The following AHNAK2 variants were observed in gnomAD, a reference collection of about 807,000 sequenced individuals.
AHNAK2 encodes the protein AHNAK nucleoprotein 2.
A neutral mutation model predicts 30.7 loss-of-function variants in AHNAK2; 18 were observed. The ratio of observed to expected loss-of-function variants is 0.59; its 90% CI spans 0.41 to 0.87. The LOEUF is 0.87. Among genes scored for constraint, AHNAK2 ranks in the 40% least tolerant of loss-of-function variants. AHNAK2 has a pLI of 0.00. For missense variants in AHNAK2, 8,604 were observed against 7,373.0 expected (o/e 1.17, Z -6.11); for synonymous variants, 3,590 against 3,073.8 (o/e 1.17, Z -5.56).
At position 104,943,034 on chromosome 14, in the gene AHNAK2, CTTGAACTTGGGCATT is replaced by C. The variant is rs1898067715; in HGVS notation, c.12402_12416del (p.Lys4137_Pro4141del). On this transcript the variant is annotated inframe_deletion, in exon 7 of 7. Coordinates refer to ENST00000333244, the MANE Select transcript of AHNAK2 (RefSeq NM_138420.4). Reference sequence around the variant, plus strand: ...GGGCCGACACCCCGAATGATGGCATCTTGAACTTGGGCATTTTGAACTTGCTGTCTTTGGCAGTCA... The same window carrying C: ...GGGCCGACACCCCGAATGATGGCATCTTGAACTTGCTGTCTTTGGCAGTCA... The C allele has an allele frequency of 6.2e-7, 1 of 1,613,102 alleles. No individual in the cohort carries two copies. Among genetic ancestry groups the C allele is most frequent in the African/African-American group, 1.3e-5 (1 of 74,728 alleles).
At position 104,957,309 on chromosome 14, in the gene AHNAK2, G is replaced by T. The variant is rs532368495; in HGVS notation, c.213+101C>A. ...GAGTGGGCACTGCCCAGTGGGCAGCGGGGCAGGGCAGCAAGGTTGAACAGA... is the reference window on the plus strand; with the variant it reads ...GAGTGGGCACTGCCCAGTGGGCAGCTGGGCAGGGCAGCAAGGTTGAACAGA... On this transcript the variant is annotated intron_variant, in intron 3 of 6. Coordinates refer to ENST00000333244, the MANE Select transcript of AHNAK2 (RefSeq NM_138420.4). 3.6e-6 allele frequency: 4 copies of T among 1,123,100 alleles called. No individual in the cohort carries two copies. In the South Asian group the frequency reaches 4.5e-5, roughly 13 times the overall value. 69.6% of individuals were successfully genotyped at this position (1,123,100 alleles called of 1,614,324 possible).
In AHNAK2 at chr14:104,953,015, A is replaced by C; in HGVS notation, c.2436T>G (p.Gly812=). The C allele has an allele frequency of 6.2e-7, 1 of 1,612,526 alleles. No homozygotes were observed. The highest frequency in any genetic ancestry group is 8.5e-7 in the Non-Finnish European group (1 of 1,179,578). ...DVQAPRAKLD[G]ARLEGDLSLA... ...GGGACAGGTCCCCCTCCAGCCGCGC[A>C]CCATCCAGCTTTGCTCTCGGGGCCT... Residue 812 remains glycine, a synonymous_variant, in exon 7 of 7, where the codon GGT becomes GGG. Coordinates refer to ENST00000333244, the MANE Select transcript of AHNAK2 (RefSeq NM_138420.4).
Position 104,956,709 on chromosome 14 carries a change from GA to G in AHNAK2, c.214-21del. 1.9e-6 allele frequency: 3 copies of G among 1,612,340 alleles called. No homozygotes were observed. In the South Asian group the frequency reaches 3.3e-5, roughly 18 times the overall value. ...GTCTTCCTGCAGCCACAAGTGTTGG[GA>G]GTTAGGCACCTGCCCCAGCTCAGGG... On this transcript the variant is annotated intron_variant, in intron 3 of 6. Coordinates refer to ENST00000333244, the MANE Select transcript of AHNAK2 (RefSeq NM_138420.4).
In AHNAK2 at chr14:104,949,487, G is replaced by T. The variant is rs374712723; in HGVS notation, c.5964C>A (p.Phe1988Leu). Residue 1988 changes from phenylalanine (F) to leucine (L), a missense_variant, in exon 7 of 7, where the codon TTC becomes TTA. Coordinates refer to ENST00000333244, the MANE Select transcript of AHNAK2 (RefSeq NM_138420.4). The part of the protein sequence containing the change: ...DKDMTAKDSK[F>L]KMPKFKMPSF... The stretch of plus-strand genomic sequence containing the variant: ...ACGGCATCTTGAATTTGGGCATTTT[G>T]AACTTGCTGTCTTTGGCAGTCATGT... 1 of 1,588,336 alleles carries T rather than the reference G, an allele frequency of 6.3e-7. No homozygotes were observed. The highest frequency in any genetic ancestry group is 1.4e-5 in the African/African-American group (1 of 73,344).
chr14:104,975,208 C>G (rs574914471), intron 1 of AHNAK2, among the ~76,000 whole-genome samples: 47 of 152,308 alleles, frequency 3.1e-4, no homozygotes, highest in Admixed American at 5.2e-4. Flanking sequence ...CGGGAGGGAG[C>G]GGGCTCCTGG....
At position 104,945,001 on chromosome 14, in the gene AHNAK2, C is replaced by T. The variant is rs200799955; in HGVS notation, c.10450G>A (p.Gly3484Arg). ...ATGGACCTGCCTGGGGCCGACACCC[C>T]GAAGGAGGGCATCTTGAACTTGGGC... ...KMPKFKMPSFGVSAPGRSIEA... is the reference protein window; with the variant it reads ...KMPKFKMPSFRVSAPGRSIEA... Residue 3484 changes from glycine (G) to arginine (R), a missense_variant, in exon 7 of 7, where the codon GGG becomes AGG. By Grantham distance (125) the Gly-to-Arg change is moderately radical. Coordinates refer to ENST00000333244, the MANE Select transcript of AHNAK2 (RefSeq NM_138420.4). 375 of 1,610,882 alleles carry T rather than the reference C, an allele frequency of 2.3e-4. No individual in the cohort carries two copies. In the African/African-American group the frequency reaches 3.6e-3, roughly 15 times the overall value.
chr14:104,957,010 T>A (rs1898996221), intron 3 of AHNAK2, among the ~76,000 whole-genome samples: 1 of 152,174 alleles, frequency 6.6e-6, no homozygotes, highest in African/African-American at 2.4e-5. Flanking sequence ...CAAAAATGAA[T>A]CCTTTCATAG....
In AHNAK2 at chr14:104,950,423, G is replaced by A. The variant is rs377432586; in HGVS notation, c.5028C>T (p.Ser1676=). Residue 1676 remains serine (S), a synonymous_variant, in exon 7 of 7, where the codon TCC becomes TCT. Transcript: ENST00000333244. The part of the protein sequence containing the change: ...PSFGVSAPGK[S]IEASVDVSEP... Reference sequence around the variant, plus strand: ...CAGACACATCCACCGAGGCCTCGATGGACTTGCCTGGGGCCGACACCCCAA... The same window carrying A: ...CAGACACATCCACCGAGGCCTCGATAGACTTGCCTGGGGCCGACACCCCAA... The A allele has an allele frequency of 2.9e-5, 46 of 1,586,806 alleles. 3 individuals are homozygous for A. In the African/African-American group the frequency reaches 3.4e-4, roughly 12 times the overall value.
Position 104,952,454 on chromosome 14 carries a change from T to C in AHNAK2, c.2997A>G (p.Lys999=), listed in dbSNP as rs1256759855. The part of the protein sequence containing the change: ...KDVTAKDSKF[K]MPKFKMPSFG... Reference sequence around the variant, plus strand: ...ACGACGGCATCTTGAACTTGGGCATTTTGAACTTGCTGTCTTTGGCAGTCA... The same window carrying C: ...ACGACGGCATCTTGAACTTGGGCATCTTGAACTTGCTGTCTTTGGCAGTCA... Residue 999 remains lysine, a synonymous_variant, in exon 7 of 7, where the codon AAA becomes AAG. Transcript: ENST00000333244. The C allele has an allele frequency of 6.8e-6, 11 of 1,612,282 alleles. No individual in the cohort carries two copies. In the Admixed American group the frequency reaches 1.3e-4, roughly 20 times the overall value.
At position 104,943,202 on chromosome 14, in the gene AHNAK2, G is replaced by A. The variant is rs1898075517; in HGVS notation, c.12249C>T (p.Pro4083=). The A allele has an allele frequency of 6.2e-7, 1 of 1,612,902 alleles. No individual in the cohort carries two copies. Among genetic ancestry groups the A allele is most frequent in the South Asian group, 1.1e-5 (1 of 91,052 alleles). The part of the protein sequence containing the change: ...VKGPKLDLKG[P]KAEVTAPDVK... ...CATCAGGGGCTGTCACTTCCGCCTTGGGGCCTTTCAGGTCCAGCTTGGGGC... is the reference window on the plus strand; with the variant it reads ...CATCAGGGGCTGTCACTTCCGCCTTAGGGCCTTTCAGGTCCAGCTTGGGGC... The change falls in exon 7 of 7, where the codon CCC becomes CCT. Residue 4083 remains proline (P), a synonymous_variant. Coordinates refer to ENST00000333244, the MANE Select transcript of AHNAK2 (RefSeq NM_138420.4).
In AHNAK2 at chr14:104,944,975, G is replaced by T; in HGVS notation, c.10476C>A (p.Ile3492=). The T allele has an allele frequency of 1.2e-6, 2 of 1,612,490 alleles. No homozygotes were observed. Among genetic ancestry groups the T allele is most frequent in the Non-Finnish European group, 1.7e-6 (2 of 1,179,370 alleles). ...GCGCAGACACATCCAGCGAGGCCTC[G>T]ATGGACCTGCCTGGGGCCGACACCC... ...SFGVSAPGRS[I]EASLDVSAPK... is the part of the protein sequence containing the mutation. The change falls in exon 7 of 7, where the codon ATC becomes ATA. Residue 3492 remains isoleucine, a synonymous_variant. Transcript: ENST00000333244.
rs1326160288 is a variant in AHNAK2, at chr14:104,954,793, C to G, written c.658G>C (p.Asp220His). The G allele has an allele frequency of 2.6e-6, 4 of 1,562,318 alleles. No homozygotes were observed. Reference protein sequence around the residue: ...GPQGKEKEDTDVADGCRETPT... With the variant: ...GPQGKEKEDTHVADGCRETPT... ...GTCTCTCTGCACCCATCAGCAACAT[C>G]CGTGTCCTGAAACATAGGGAGAGGG... Residue 220 changes from aspartate to histidine, a missense_variant, in exon 7 of 7, where the codon GAT becomes CAT. Physicochemically the swap from Asp to His is moderately conservative, Grantham distance 81 (BLOSUM62 -1). Coordinates refer to ENST00000333244, the MANE Select transcript of AHNAK2 (RefSeq NM_138420.4). This position sits in a 1 kb window ranked among gnomAD's most constrained non-coding sequence, Gnocchi z 4.3.
Position 104,947,243 on chromosome 14 carries a change from C to T in AHNAK2, c.8208G>A (p.Met2736Ile). 1 of 1,611,846 alleles carries T rather than the reference C, an allele frequency of 6.2e-7. No homozygotes were observed. Among genetic ancestry groups the T allele is most frequent in the Non-Finnish European group, 8.5e-7 (1 of 1,179,464 alleles). The change falls in exon 7 of 7, where the codon ATG becomes ATA. Residue 2736 changes from methionine to isoleucine, a missense_variant. Coordinates refer to ENST00000333244, the MANE Select transcript of AHNAK2 (RefSeq NM_138420.4). The part of the protein sequence containing the change: ...GLKGHLPKLQ[M>I]PSFKMPEVDL... ...CCACTTCAGGCATCTTGAAACTGGG[C>T]ATCTGCAGCTTGGGCAGGTGCCCTT...
Position 104,942,455 on chromosome 14 carries a change from C to A in AHNAK2, c.12996G>T (p.Val4332=). 6.2e-7 allele frequency: 1 copy of A among 1,612,936 alleles called. No homozygotes were observed. Among genetic ancestry groups the A allele is most frequent in the Non-Finnish European group, 8.5e-7 (1 of 1,179,526 alleles). ...DVSALKVEAD[V]SLPSMQGDLK... is the part of the protein sequence containing the mutation. ...GGTCCCCCTGCATGGAGGGGAGGCT[C>A]ACGTCAGCCTCCACCTTCAGCGCAG... The change falls in exon 7 of 7, where the codon GTG becomes GTT. Residue 4332 remains valine, a synonymous_variant. Coordinates refer to ENST00000333244, the MANE Select transcript of AHNAK2 (RefSeq NM_138420.4).
In AHNAK2 at chr14:104,949,817, T is replaced by C. The variant is rs201655658; in HGVS notation, c.5634A>G (p.Ala1878=). Residue 1878 remains alanine (A), a synonymous_variant, in exon 7 of 7, where the codon GCA becomes GCG. Coordinates refer to ENST00000333244, the MANE Select transcript of AHNAK2 (RefSeq NM_138420.4). ...TTDLCIPLPS[A]DLVVQAGQVD... ...CTTGGCCAGCCTGGACCACCAGGTCTGCAGAAGGGAGCGGAATGCAGAGGT... is the reference window on the plus strand; with the variant it reads ...CTTGGCCAGCCTGGACCACCAGGTCCGCAGAAGGGAGCGGAATGCAGAGGT... 1.6e-5 allele frequency: 25 copies of C among 1,582,418 alleles called. 2 individuals carry two copies. Among genetic ancestry groups the C allele is most frequent in the Admixed American group, 8.8e-5 (5 of 57,050 alleles).
chr14:104,974,234 C>A (rs1899544771), intron 1 of AHNAK2, among the ~76,000 whole-genome samples: 1 of 152,212 alleles, frequency 6.6e-6, no homozygotes, highest in African/African-American at 2.4e-5. Flanking sequence ...GGAGCATGCC[C>A]CGTCCTCCTT....
chr14:104,953,462 C>G lies in AHNAK2; in HGVS notation c.1989G>C (p.Leu663=), dbSNP rs375447664. ...DEKRLKKEQI[L]TEKEVATKDS... ...CTTTGGTGGCCACTTCCTTTTCTGT[C>G]AGAATTTGTTCCTTTTTTAAGCGTT... is the stretch of plus-strand genomic sequence containing the variant. Residue 663 remains leucine, a synonymous_variant, in exon 7 of 7, where the codon CTG becomes CTC. Transcript: ENST00000333244. 468 of 1,613,914 alleles carry G rather than the reference C, an allele frequency of 2.9e-4. No individual in the cohort carries two copies. Among genetic ancestry groups the G allele is most frequent in the Non-Finnish European group, 3.8e-4 (448 of 1,179,906 alleles).
Position 104,938,534 on chromosome 14 carries a change from A to G in AHNAK2, c.16917T>C (p.Ser5639=). The G allele has an allele frequency of 6.2e-7, 1 of 1,613,192 alleles. No individual in the cohort carries two copies. Among genetic ancestry groups the G allele is most frequent in the Admixed American group, 1.7e-5 (1 of 59,976 alleles). Reference sequence around the variant, plus strand: ...AAAACCAGAGCAGACCAGATTTTTTACTTTCTGGTTTGTCTTTTGGAGCCC... The same window carrying G: ...AAAACCAGAGCAGACCAGATTTTTTGCTTTCTGGTTTGTCTTTTGGAGCCC... ...EGRAPKDKPE[S]KKSGLLWFWL... Residue 5639 remains serine, a synonymous_variant, in exon 7 of 7, where the codon AGT becomes AGC. Coordinates refer to ENST00000333244, the MANE Select transcript of AHNAK2 (RefSeq NM_138420.4).
chr14:104,955,772 T>G (rs1419337828), intron 4 of AHNAK2, 139 bp from the exon 5 acceptor site: 2 of 1,194,892 alleles, frequency 1.7e-6, no homozygotes, highest in East Asian at 5.6e-5. Context: ...CAGAGTAGGG[T>G]ACCCACCAGG....
Sources: allele counts gnomAD v4.1 joint callset (sites outside exome capture counted in the v4.1 genomes callset), GRCh38; gene constraint gnomAD v4.1.1; non-coding constraint Gnocchi (gnomAD v3.1); transcripts MANE v1.5; gene names NCBI Gene and HGNC (gene_info 2026-07-23, HGNC 2026-07-21).